The following FGF9 variants were observed in gnomAD, a reference collection of about 807,000 sequenced individuals.
The protein encoded by FGF9 is fibroblast growth factor 9.
In FGF9, 3 loss-of-function variants were observed where a neutral mutation model predicts 19.9. The ratio of observed to expected loss-of-function variants is 0.15; its 90% CI spans 0.07 to 0.39. The LOEUF is 0.39. Among genes scored for constraint, FGF9 ranks in the 10% least tolerant of loss-of-function variants. The probability of loss-of-function intolerance (pLI) is 1.00; values close to 1 mark genes in which losing one functional copy is unlikely to be tolerated. For missense variants in FGF9, 175 were observed against 256.8 expected (o/e 0.68, Z 2.18); for synonymous variants, 107 against 106.9 (o/e 1.00, Z -0.01).
chr13:21,686,337 A>G (rs1872157342), intron 2 of FGF9, among the ~76,000 whole-genome samples: 1 of 152,218 alleles, frequency 6.6e-6, no homozygotes, highest in African/African-American at 2.4e-5. Flanking sequence ...CTTTCAAGAT[A>G]CTTTAAAACA....
chr13:21,700,824 G>C (rs964511582), intron 2 of FGF9, among the ~76,000 whole-genome samples: 1 of 152,184 alleles, frequency 6.6e-6, no homozygotes, highest in Non-Finnish European at 1.5e-5. Context: ...TAGTGTTTTA[G>C]TCATTATGAG....
chr13:21,687,610 G>T (rs192158065), intron 2 of FGF9, among the ~76,000 whole-genome samples: 4 of 152,306 alleles, frequency 2.6e-5, no homozygotes, highest in South Asian at 4.1e-4. Context: ...AGCTCAGGGT[G>T]CCTGTTCTGC....
intron 2 of FGF9, among the ~76,000 whole-genome samples, chr13:21,699,471 G>A (rs768446217): frequency 1.3e-5 from 2 of 152,158 alleles, no homozygotes; most frequent in Non-Finnish European, 2.9e-5. Flanking sequence ...AGGAAGTGCC[G>A]GCCCTCATGA....
At chr13:21,674,347 A>AGGGG in intron 1 of FGF9, 1 of 19,868 alleles carries the variant, frequency 5.0e-5, no homozygotes, top group Non-Finnish European at 1.0e-4. Flanking sequence ...CAGGGAAAGG[A>AGGGG]GTGGGGGTGG....
chr13:21,680,134 A>C (rs987285590), intron 1 of FGF9, among the ~76,000 whole-genome samples: 3 of 152,130 alleles, frequency 2.0e-5, no homozygotes, highest in African/African-American at 7.2e-5. Context: ...GAAGGAAGTA[A>C]AATAAGATCA....
In FGF9 at chr13:21,700,015, G is replaced by GGTGTGT. The variant is rs3076108; in HGVS notation, c.382-1146_382-1141dup. Among the ~76,000 whole-genome samples the GGTGTGT allele has an allele frequency of 2.5e-3, 367 of 146,816 alleles. 2 individuals are homozygous for GGTGTGT. The highest frequency in any genetic ancestry group is 8.6e-3 in the African/African-American group (341 of 39,772). On this transcript the variant is annotated intron_variant, in intron 2 of 2. Transcript: ENST00000382353. Reference sequence around the variant, plus strand: ...GGGCGTGTTCACAGCTTTGGGATGTGGTGTGTGTGTGTGTGTGTGTGTGTG... The same window carrying GGTGTGT: ...GGGCGTGTTCACAGCTTTGGGATGTGGTGTGTGTGTGTGTGTGTGTGTGTGTGTGTG...
chr13:21,702,564 TCAAA>T lies in FGF9; in HGVS notation c.*1132_*1135del, dbSNP rs1872573250. 6.6e-6 allele frequency: 1 copy of T among 152,182 alleles called. No individual in the cohort carries two copies. Among genetic ancestry groups the T allele is most frequent in the Admixed American group, 6.5e-5 (1 of 15,284 alleles). The allele number at this position is 152,182 out of a possible 1,614,324, so 9.4% of individuals were successfully genotyped here. ...GATCTCCAGAATGACAGTATTAACATCAAACATTGTATTGATTTAGAATTCTCAA... is the reference window on the plus strand; with the variant it reads ...GATCTCCAGAATGACAGTATTAACATCATTGTATTGATTTAGAATTCTCAA... On this transcript the variant is annotated 3_prime_UTR_variant, in exon 3 of 3. Coordinates refer to ENST00000382353, the MANE Select transcript of FGF9 (RefSeq NM_002010.3).
Position 21,671,991 on chromosome 13 carries a change from G to A in FGF9, c.79G>A (p.Val27Met). 6.2e-7 allele frequency: 1 copy of A among 1,614,230 alleles called. No individual in the cohort carries two copies. The highest frequency in any genetic ancestry group is 8.5e-7 in the Non-Finnish European group (1 of 1,180,050). Reference protein sequence around the residue: ...VPFGNVPVLPVDSPVLLSDHL... With the variant: ...VPFGNVPVLPMDSPVLLSDHL... ...GTTTGGGAATGTGCCCGTGTTGCCG[G>A]TGGACAGCCCGGTTTTGTTAAGTGA... The change falls in exon 1 of 3, where the codon GTG (valine) becomes ATG (methionine). Residue 27 changes from valine (V) to methionine (M), a missense_variant. This residue lies in a region of FGF9 where 69 missense variants were observed against 73.6 expected (regional missense o/e 0.94). Transcript: ENST00000382353.
chr13:21,693,851 G>A (rs1256847086), intron 2 of FGF9, among the ~76,000 whole-genome samples: 4 of 152,256 alleles, frequency 2.6e-5, no homozygotes, highest in East Asian at 3.9e-4. Context: ...ATTCTCTGCC[G>A]CCTTCTGGAA....
At chr13:21,697,752 C>G (rs1872442373) in intron 2 of FGF9, among the ~76,000 whole-genome samples, 1 of 151,954 alleles carries the variant, frequency 6.6e-6, no homozygotes, top group Admixed American at 6.6e-5. Flanking sequence ...ACTCATTCCT[C>G]CTGCAGATAA....
At chr13:21,684,331 CT>C (rs547112331) in intron 2 of FGF9, among the ~76,000 whole-genome samples, 87 of 146,088 alleles carry the variant, frequency 6.0e-4, no homozygotes, top group Admixed American at 8.2e-4. Flanking sequence ...GGACCACATT[CT>C]TTTTTTTTTT....
rs1259966554 is a variant in FGF9, at chr13:21,704,250, A to G, written c.*2815A>G. ...CAAAGACTTACCGAGCATGGGCTGA[A>G]CAACCTTCCCATCTGTCATGTGAAT... On this transcript the variant is annotated 3_prime_UTR_variant, in exon 3 of 3. Coordinates refer to ENST00000382353, the MANE Select transcript of FGF9 (RefSeq NM_002010.3). 6.6e-6 allele frequency: 1 copy of G among 152,232 alleles called. No homozygotes were observed. The highest frequency in any genetic ancestry group is 2.4e-5 in the African/African-American group (1 of 41,470). 9.4% of individuals were successfully genotyped at this position (152,232 alleles called of 1,614,324 possible).
intron 2 of FGF9, among the ~76,000 whole-genome samples, chr13:21,688,482 T>C (rs1453316135): frequency 6.6e-6 from 1 of 152,178 alleles, no homozygotes; most frequent in Non-Finnish European, 1.5e-5. Flanking sequence ...TATGACTGAG[T>C]CCATACATCG....
chr13:21,690,463 C>T (rs1413045358), intron 2 of FGF9, among the ~76,000 whole-genome samples: 2 of 152,182 alleles, frequency 1.3e-5, no homozygotes, highest in African/African-American at 2.4e-5. Context: ...CATACTCATG[C>T]ACTACCTCAC....
chr13:21,677,591 A>G (rs1357163226), intron 1 of FGF9, among the ~76,000 whole-genome samples: 5 of 152,174 alleles, frequency 3.3e-5, no homozygotes, highest in Non-Finnish European at 7.3e-5. Context: ...ACCAGGAATG[A>G]TGAGGTTTCT....
chr13:21,697,761 A>T (rs1171499063), intron 2 of FGF9, among the ~76,000 whole-genome samples: 1 of 152,032 alleles, frequency 6.6e-6, no homozygotes, highest in East Asian at 1.9e-4. Context: ...TCCTGCAGAT[A>T]AATAGAATTA....
chr13:21,693,258 C>T (rs1260317398), intron 2 of FGF9, among the ~76,000 whole-genome samples: 4 of 152,056 alleles, frequency 2.6e-5, no homozygotes, highest in Admixed American at 6.6e-5. Flanking sequence ...CCCGAGAAAT[C>T]GGGGCTGATG....
chr13:21,704,065 A>T lies in FGF9; in HGVS notation c.*2630A>T, dbSNP rs1176332118. 1 of 152,160 alleles carries T rather than the reference A, an allele frequency of 6.6e-6. No homozygotes were observed. The highest frequency in any genetic ancestry group is 1.5e-5 in the Non-Finnish European group (1 of 68,030). The allele number at this position is 152,160 out of a possible 1,614,324, so 9.4% of individuals were successfully genotyped here. A position where few individuals can be genotyped will look rare whatever the true frequency, so the allele number is the denominator to read the frequency against. Reference sequence around the variant, plus strand: ...TGTCTCTTGGGCAGTAGAGTGAGTCATCCCCAGCTCATGGGTTTGCATCCA... The same window carrying T: ...TGTCTCTTGGGCAGTAGAGTGAGTCTTCCCCAGCTCATGGGTTTGCATCCA... On this transcript the variant is annotated 3_prime_UTR_variant, in exon 3 of 3. Coordinates refer to ENST00000382353, the MANE Select transcript of FGF9 (RefSeq NM_002010.3).
chr13:21,701,481 A>G lies in FGF9; in HGVS notation c.*46A>G. On this transcript the variant is annotated 3_prime_UTR_variant, in exon 3 of 3. Transcript: ENST00000382353. ...GAGCCCTTAAAAAAGTAACCACTAT[A>G]AAGGTTTCACGCGGTGGGTTCTTAT... 2 of 1,613,510 alleles carry G rather than the reference A, an allele frequency of 1.2e-6. No individual in the cohort carries two copies. The highest frequency in any genetic ancestry group is 2.2e-5 in the South Asian group (2 of 90,938).
Sources: gnomAD v4.1 joint callset for allele counts (sites outside exome capture counted in the v4.1 genomes callset) on GRCh38, gnomAD v4.1.1 for gene constraint, gnomAD v4.1.1 regional missense constraint, MANE v1.5 for transcripts, NCBI Gene and HGNC (gene_info 2026-07-23, HGNC 2026-07-21) for gene names.